The following ASIC2 variants were observed in gnomAD, a reference collection of about 807,000 sequenced individuals.
ASIC2 encodes the protein acid-sensing ion channel 2.
A neutral mutation model predicts 57.3 loss-of-function variants in ASIC2; 25 were observed. The ratio of observed to expected loss-of-function variants is 0.44; its 90% confidence interval spans 0.32 to 0.61. ASIC2 has a LOEUF of 0.61. Ranked by LOEUF, ASIC2 falls within the 20% of genes least tolerant of loss-of-function variation. The pLI is 0.06. For synonymous variants in ASIC2, 319 were observed against 307.5 expected (o/e 1.04, Z -0.39); for missense variants, 641 against 738.1 (o/e 0.87, Z 1.52).
chr17:33,239,762 A>G (rs1198432376), intron 1 of ASIC2, among the ~76,000 whole-genome samples: 1 of 152,118 alleles, frequency 6.6e-6, no homozygotes, highest in Non-Finnish European at 1.5e-5. Flanking sequence ...AACCATCCCA[A>G]ATTCAAATAT....
intron 1 of ASIC2, among the ~76,000 whole-genome samples, chr17:34,153,316 A>G (rs1394020372): frequency 6.6e-6 from 1 of 152,248 alleles, no homozygotes; most frequent in Non-Finnish European, 1.5e-5. Context: ...GTCACCTAGC[A>G]TGGTACAATC....
chr17:33,816,546 T>C (rs1597887888), intron 1 of ASIC2, among the ~76,000 whole-genome samples: 1 of 152,188 alleles, frequency 6.6e-6, no homozygotes, highest in East Asian at 1.9e-4. Flanking sequence ...CCAGGCCTGC[T>C]GGGCACTGCA....
chr17:33,322,907 T>C (rs1906925593), intron 1 of ASIC2, among the ~76,000 whole-genome samples: 1 of 152,078 alleles, frequency 6.6e-6, no homozygotes, highest in African/African-American at 2.4e-5. Context: ...CAGTGCTCTT[T>C]TAGGAGTCAG....
intron 1 of ASIC2, among the ~76,000 whole-genome samples, chr17:34,128,836 G>A (rs1047333044): frequency 5.3e-5 from 8 of 152,136 alleles, no homozygotes; most frequent in South Asian, 2.1e-4. Flanking sequence ...AGCTCCAGCT[G>A]CACATCAGAG....
chr17:33,450,743 G>A lies in ASIC2; in HGVS notation c.556-338676C>T, dbSNP rs116754479. 7.2e-3 allele frequency among the ~76,000 whole-genome samples: 1,100 copies of A among 152,282 alleles called. 16 individuals are homozygous for A. The highest frequency in any genetic ancestry group is 0.025 in the African/African-American group (1,052 of 41,564). ...CTCCATGACTTTGTCTTCCTCTGTGGCAGGGGTGGGGAGTAATTGTGTCTA... is the reference window on the plus strand; with the variant it reads ...CTCCATGACTTTGTCTTCCTCTGTGACAGGGGTGGGGAGTAATTGTGTCTA... On this transcript the variant is annotated intron_variant, in intron 1 of 9. Transcript: ENST00000359872.
chr17:33,422,217 C>T (rs1911068981), intron 1 of ASIC2, among the ~76,000 whole-genome samples: 1 of 152,198 alleles, frequency 6.6e-6, no homozygotes, highest in Non-Finnish European at 1.5e-5. Context: ...TCCCCCATTT[C>T]CCTGTGAACT....
chr17:34,078,597 G>T (rs1227149525), intron 1 of ASIC2, among the ~76,000 whole-genome samples: 1 of 152,142 alleles, frequency 6.6e-6, no homozygotes, highest in East Asian at 1.9e-4. Flanking sequence ...AAGCAGCAAT[G>T]AGGAAAGCAA....
intron 1 of ASIC2, chr17:33,827,927 A>G (rs1325378148): frequency 6.6e-6 from 1 of 151,866 alleles, no homozygotes; most frequent in Non-Finnish European, 1.5e-5. Flanking sequence ...CCCTGTGTCC[A>G]TGTGTTCTCA....
intron 1 of ASIC2, among the ~76,000 whole-genome samples, chr17:33,328,025 A>G (rs955324136): frequency 6.6e-6 from 1 of 152,206 alleles, no homozygotes; most frequent in Non-Finnish European, 1.5e-5. Flanking sequence ...GCAATTCCTT[A>G]TTTCTTAGGG....
intron 1 of ASIC2, among the ~76,000 whole-genome samples, chr17:33,532,680 T>C (rs1001994166): frequency 1.3e-5 from 2 of 152,258 alleles, no homozygotes; most frequent in South Asian, 4.1e-4. Context: ...ATTGGTCCTC[T>C]TGACCCTGTC....
intron 1 of ASIC2, among the ~76,000 whole-genome samples, chr17:33,362,974 A>G (rs974305163): frequency 1.1e-4 from 17 of 152,262 alleles, no homozygotes; most frequent in African/African-American, 4.1e-4. Context: ...GAAGTCTGAT[A>G]AGAAAAATCC....
rs1046478120 is a variant in ASIC2, at chr17:33,326,905, A to T, written c.556-214838T>A. 4.0e-5 allele frequency among the ~76,000 whole-genome samples: 6 copies of T among 151,570 alleles called. No individual in the cohort carries two copies. In the East Asian group the frequency reaches 1.2e-3, roughly 30 times the overall value. ...CCCATTCCCTTCTTCCAGACCCATC[A>T]CAATAACCTTTAAATGTTTAACTCA... is the stretch of plus-strand genomic sequence containing the variant. On this transcript the variant is annotated intron_variant, in intron 1 of 9. Transcript: ENST00000359872.
intron 1 of ASIC2, among the ~76,000 whole-genome samples, chr17:33,471,722 A>T (rs1219366075): frequency 1.3e-5 from 2 of 152,178 alleles, no homozygotes; most frequent in African/African-American, 4.8e-5. Flanking sequence ...CACAAGAAAT[A>T]TGTGTTAATT....
At chr17:33,137,674 C>T (rs1414338607) in intron 1 of ASIC2, among the ~76,000 whole-genome samples, 1 of 152,172 alleles carries the variant, frequency 6.6e-6, no homozygotes, top group Admixed American at 6.5e-5. Context: ...AGTGCTTACA[C>T]CCAGAGTGTT....
chr17:33,051,883 T>G (rs1283492357), intron 3 of ASIC2, among the ~76,000 whole-genome samples: 1 of 152,192 alleles, frequency 6.6e-6, no homozygotes, highest in Non-Finnish European at 1.5e-5. Context: ...ATTATTTCAA[T>G]TATTCAAGGA....
intron 1 of ASIC2, among the ~76,000 whole-genome samples, chr17:33,542,771 T>C (rs1429633991): frequency 7.3e-6 from 1 of 137,164 alleles, no homozygotes; most frequent in Non-Finnish European, 1.6e-5. Context: ...TTTGTCAATT[T>C]TGTCTTTTGT....
intron 1 of ASIC2, among the ~76,000 whole-genome samples, chr17:33,577,252 C>T (rs1468241704): frequency 1.3e-5 from 2 of 152,158 alleles, no homozygotes; most frequent in African/African-American, 4.8e-5. Context: ...GAGTCCAAGG[C>T]TTCTGGAACA....
chr17:33,143,150 T>C (rs1456535595), intron 1 of ASIC2, among the ~76,000 whole-genome samples: 1 of 152,174 alleles, frequency 6.6e-6, no homozygotes, highest in Non-Finnish European at 1.5e-5. Context: ...GATAGCAGTG[T>C]AGGTAGGTTG....
intron 1 of ASIC2, among the ~76,000 whole-genome samples, chr17:33,452,854 T>C (rs1912309760): frequency 6.6e-6 from 1 of 151,810 alleles, no homozygotes; most frequent in South Asian, 2.1e-4. Context: ...CTTGCAGGGC[T>C]GGAACCCAGC....
Sources: allele counts gnomAD v4.1 joint callset (sites outside exome capture counted in the v4.1 genomes callset), GRCh38; gene constraint gnomAD v4.1.1; transcripts MANE v1.5; gene names NCBI Gene and HGNC (gene_info 2026-07-23, HGNC 2026-07-21).